The following ADAM19 variants were observed in gnomAD, a reference collection of about 807,000 sequenced individuals.
ADAM19 encodes ADAM metallopeptidase domain 19.
A neutral mutation model predicts 114.7 loss-of-function variants in ADAM19; 65 were observed. The ratio of observed to expected loss-of-function variants is 0.57; its 90% CI spans 0.46 to 0.70. The LOEUF is 0.70. Among genes scored for constraint, ADAM19 ranks in the 30% least tolerant of loss-of-function variants. The pLI, the probability that ADAM19 is intolerant of heterozygous loss-of-function variation, is 0.00. For missense variants in ADAM19, 1,063 were observed against 1,204.7 expected (o/e 0.88, Z 1.74); for synonymous variants, 466 against 460.5 (o/e 1.01, Z -0.15).
At chr5:157,503,776 C>G (rs2863747) in intron 11 of ADAM19, among the ~76,000 whole-genome samples, 51,314 of 152,054 alleles carry the variant, frequency 0.34, 10,250 homozygotes, top group African/African-American at 0.56. Context: ...AGGCCAAGAT[C>G]ATAAGTTTTA....
At chr5:157,540,483 G>A (rs1244963591) in intron 3 of ADAM19, among the ~76,000 whole-genome samples, 2 of 152,110 alleles carry the variant, frequency 1.3e-5, no homozygotes, top group African/African-American at 4.8e-5. Flanking sequence ...CATTCACCCA[G>A]TGACATTACC....
At chr5:157,542,332 T>C (rs1756938318) in intron 3 of ADAM19, among the ~76,000 whole-genome samples, 1 of 152,202 alleles carries the variant, frequency 6.6e-6, no homozygotes, top group Non-Finnish European at 1.5e-5. Flanking sequence ...AATTTTAACA[T>C]TTTTAATTCT....
intron 3 of ADAM19, among the ~76,000 whole-genome samples, chr5:157,548,790 C>A (rs955013181): frequency 6.6e-6 from 1 of 152,212 alleles, no homozygotes; most frequent in African/African-American, 2.4e-5. Context: ...CCAGGATAGT[C>A]ATGCTCCATT....
At chr5:157,566,215 C>A (rs1339723727) in intron 2 of ADAM19, 3 of 151,476 alleles carry the variant, frequency 2.0e-5, no homozygotes, top group Non-Finnish European at 4.4e-5. Flanking sequence ...TATGACAGAA[C>A]ACTGAATGAT....
intron 9 of ADAM19, 146 bp from the exon 10 acceptor site, chr5:157,507,286 G>A (rs1220797899): frequency 4.3e-6 from 3 of 696,514 alleles, no homozygotes; most frequent in Non-Finnish European, 7.6e-6. Flanking sequence ...TTGTAACCAG[G>A]CCAACTGGAC....
chr5:157,518,815 C>A lies in ADAM19; in HGVS notation c.666+8G>T. On this transcript the variant is annotated splice_region_variant and intron_variant, in intron 7 of 22. Transcript: ENST00000257527. The stretch of plus-strand genomic sequence containing the variant: ...GTTTTTCTGCAAGACCCATTGCCTC[C>A]CCCTTACCTCTAAATAATCAGCCAC... 2 of 1,611,734 alleles carry A rather than the reference C, an allele frequency of 1.2e-6. No homozygotes were observed. The highest frequency in any genetic ancestry group is 1.7e-6 in the Non-Finnish European group (2 of 1,177,764).
chr5:157,514,201 C>T (rs966005285), intron 7 of ADAM19, among the ~76,000 whole-genome samples: 11 of 152,076 alleles, frequency 7.2e-5, no homozygotes, highest in Non-Finnish European at 2.9e-5. Context: ...TGAGTGCCAA[C>T]GAGGAGGACC....
chr5:157,509,447 G>A lies in ADAM19; in HGVS notation c.759C>T (p.Ile253=). 1.2e-6 allele frequency: 2 copies of A among 1,600,068 alleles called. No homozygotes were observed. Among genetic ancestry groups the A allele is most frequent in the South Asian group, 1.1e-5 (1 of 88,228 alleles). Residue 253 remains isoleucine (I), a synonymous_variant, in exon 9 of 23, where the codon ATC becomes ATT. Coordinates refer to ENST00000257527, the MANE Select transcript of ADAM19 (RefSeq NM_033274.5). ...YVDKFYRSLN[I]RIALVGLEVW... Reference sequence around the variant, plus strand: ...CTTCCAAGCCCACGAGAGCAATCCGGATGTTCAAGGATCGGTAAAACTGAA... The same window carrying A: ...CTTCCAAGCCCACGAGAGCAATCCGAATGTTCAAGGATCGGTAAAACTGAA...
At chr5:157,500,618 G>T (rs1017002468) in intron 12 of ADAM19, among the ~76,000 whole-genome samples, 1 of 152,086 alleles carries the variant, frequency 6.6e-6, no homozygotes, top group Admixed American at 6.6e-5. Context: ...GAGTCTGCTG[G>T]AACAACCTCT....
In ADAM19 at chr5:157,494,676, T is replaced by C. The variant is rs1367192116; in HGVS notation, c.1703+11A>G. 1 of 1,608,638 alleles carries C rather than the reference T, an allele frequency of 6.2e-7. No individual in the cohort carries two copies. Among genetic ancestry groups the C allele is most frequent in the African/African-American group, 1.3e-5 (1 of 74,918 alleles). ...ATCCTCATTTCATGAGGCCTGCCCTTTGGTCATCACCTCATGTTGCACTTC... is the reference window on the plus strand; with the variant it reads ...ATCCTCATTTCATGAGGCCTGCCCTCTGGTCATCACCTCATGTTGCACTTC... On this transcript the variant is annotated intron_variant, in intron 15 of 22. Coordinates refer to ENST00000257527, the MANE Select transcript of ADAM19 (RefSeq NM_033274.5).
At chr5:157,487,764 AAGGTACCAAT>A (rs1410799829) in intron 21 of ADAM19, among the ~76,000 whole-genome samples, 1 of 152,234 alleles carries the variant, frequency 6.6e-6, no homozygotes, top group African/African-American at 2.4e-5. Flanking sequence ...CAATCAGTAG[AAGGTACCAAT>A]AGGTACAATT....
rs1322434675 is a variant in ADAM19 at position 157,497,125 on chromosome 5, T to C, written c.1399-36A>G. Reference sequence around the variant, plus strand: ...GAATGAGAGGAAAACACAGTCAATCTCCTCCCCACCCTCAACCCTGTTGCC... The same window carrying C: ...GAATGAGAGGAAAACACAGTCAATCCCCTCCCCACCCTCAACCCTGTTGCC... On this transcript the variant is annotated intron_variant, in intron 13 of 22. Coordinates refer to ENST00000257527, the MANE Select transcript of ADAM19 (RefSeq NM_033274.5). 2.1e-6 allele frequency: 3 copies of C among 1,459,356 alleles called. No individual in the cohort carries two copies. In the South Asian group the frequency reaches 4.5e-5, roughly 22 times the overall value. The allele number at this position is 1,459,356 out of a possible 1,614,324, so 90.4% of individuals were successfully genotyped here.
chr5:157,556,209 C>CTTTTTTTT (rs68078503), intron 3 of ADAM19, among the ~76,000 whole-genome samples: 13 of 66,316 alleles, frequency 2.0e-4, no homozygotes, highest in East Asian at 1.4e-3. Flanking sequence ...TTTTCTTTTT[C>CTTTTTTTT]TTTTTTTTTT....
intron 13 of ADAM19, among the ~76,000 whole-genome samples, chr5:157,497,304 C>T (rs926504459): frequency 2.0e-5 from 3 of 152,236 alleles, no homozygotes; most frequent in Non-Finnish European, 4.4e-5. Context: ...TGCTAACTCA[C>T]TTTCTCTTCA....
chr5:157,572,804 C>A (rs553179045), intron 1 of ADAM19, among the ~76,000 whole-genome samples: 13 of 152,318 alleles, frequency 8.5e-5, no homozygotes, highest in African/African-American at 3.1e-4. Context: ...AATCTCAGCA[C>A]TTTGGAGGTC....
intron 9 of ADAM19, among the ~76,000 whole-genome samples, chr5:157,507,649 C>T (rs575073312): frequency 6.4e-4 from 97 of 152,308 alleles, no homozygotes; most frequent in Non-Finnish European, 1.0e-3. Flanking sequence ...GCTTCATTCC[C>T]ACATACTCAG....
chr5:157,533,206 C>T (rs1756671381), intron 4 of ADAM19, among the ~76,000 whole-genome samples: 1 of 152,226 alleles, frequency 6.6e-6, no homozygotes, highest in African/African-American at 2.4e-5. Context: ...TATGATCCAT[C>T]GGCCAGCGAT....
intron 5 of ADAM19, 55 bp from the exon 6 acceptor site, chr5:157,520,086 C>T: frequency 6.5e-7 from 1 of 1,536,580 alleles, no homozygotes. Context: ...TGAAAAAGTC[C>T]CTTGTGTAGG....
intron 3 of ADAM19, among the ~76,000 whole-genome samples, chr5:157,542,172 A>G (rs1360613761): frequency 6.6e-6 from 1 of 152,060 alleles, no homozygotes; most frequent in African/African-American, 2.4e-5. Context: ...TTAGCCCAAC[A>G]ACTGCACAAC....
Sources: allele counts gnomAD v4.1 joint callset (sites outside exome capture counted in the v4.1 genomes callset), GRCh38; gene constraint gnomAD v4.1.1; transcripts MANE v1.5; gene names NCBI Gene and HGNC (gene_info 2026-07-23, HGNC 2026-07-21).